Variants in ADAP1 observed in about 807,000 individuals in gnomAD.
The protein encoded by ADAP1 is arf-GAP with dual PH domain-containing protein 1.
A neutral mutation model predicts 54.9 loss-of-function variants in ADAP1; 31 were observed. That is an observed-to-expected ratio of 0.56 (90% confidence interval 0.42 to 0.76). ADAP1 has a LOEUF of 0.76. Among genes scored for constraint, ADAP1 ranks in the 30% least tolerant of loss-of-function variants. ADAP1 has a pLI of 0.00. For missense variants in ADAP1, 535 were observed against 512.4 expected, an observed-to-expected ratio of 1.04 and a Z score of -0.42; for synonymous variants, 313 against 202.6, an observed-to-expected ratio of 1.55 and a Z score of -4.63.
chr7:923,379 G>C (rs965907716), intron 3 of ADAP1: 1 of 151,844 alleles, frequency 6.6e-6, no homozygotes, highest in African/African-American at 2.4e-5. Context: ...CACTCGCCCT[G>C]ATCACCCCTC....
chr7:906,732 GGGGAC>G (rs1845442982), intron 4 of ADAP1, among the ~76,000 whole-genome samples: 2 of 34,528 alleles, frequency 5.8e-5, no homozygotes, highest in African/African-American at 1.1e-4. Context: ...ACGGGACATG[GGGGAC>G]AGAGTACATA....
intron 3 of ADAP1, among the ~76,000 whole-genome samples, chr7:923,835 CG>C (rs1389531705): frequency 6.6e-6 from 1 of 152,186 alleles, no homozygotes; most frequent in Non-Finnish European, 1.5e-5. Context: ...AACTCAGACC[CG>C]GGCTTGTCCA....
intron 4 of ADAP1, among the ~76,000 whole-genome samples, chr7:913,148 T>A (rs1326691228): frequency 6.6e-6 from 1 of 151,728 alleles, no homozygotes; most frequent in African/African-American, 2.4e-5. Flanking sequence ...CCGGCCTTCT[T>A]TTGTATTAAC....
Position 954,509 on chromosome 7 carries a change from G to T in ADAP1, c.-32C>A, listed in dbSNP as rs997467103. On this transcript the variant is annotated 5_prime_UTR_variant, in exon 1 of 11. Coordinates refer to ENST00000265846, the MANE Select transcript of ADAP1 (RefSeq NM_006869.4). ...GATGCGCCCGCGATGCCGATGCCGG[G>T]GCCGGGGCCGGGAGCGTCAGCCCGG... 9.9e-7 allele frequency: 1 copy of T among 1,009,670 alleles called. No individual in the cohort carries two copies. Among genetic ancestry groups the T allele is most frequent in the Non-Finnish European group, 1.2e-6 (1 of 847,956 alleles). The allele number at this position is 1,009,670 out of a possible 1,614,324, so 62.5% of individuals were successfully genotyped here.
At chr7:904,925 C>T (rs1194993139) in intron 5 of ADAP1, 135 bp downstream of exon 5, 1 of 760,682 alleles carries the variant, frequency 1.3e-6, no homozygotes, top group Non-Finnish European at 2.2e-6. Context: ...CAGGCCGGTT[C>T]TCCTGGAGCG....
rs543517779 is a variant in ADAP1, at chr7:938,715, G to A, written c.83-3210C>T. ...GGGACAGCACGAGCCACTTACAGGG[G>A]TAGCAGGCAACATGAGCCCAGCTGG... On this transcript the variant is annotated intron_variant, in intron 1 of 10. Coordinates refer to ENST00000265846, the MANE Select transcript of ADAP1 (RefSeq NM_006869.4). The surrounding 1 kb of genome is among the most constrained non-coding windows in gnomAD (Gnocchi z 4.4). 6.6e-6 allele frequency among the ~76,000 whole-genome samples: 1 copy of A among 152,312 alleles called. No homozygotes were observed. Among genetic ancestry groups the A allele is most frequent in the South Asian group, 2.1e-4 (1 of 4,830 alleles).
At chr7:931,860 C>T (rs1428805296) in intron 2 of ADAP1, among the ~76,000 whole-genome samples, 1 of 152,096 alleles carries the variant, frequency 6.6e-6, no homozygotes. Context: ...GTCCGGTCCT[C>T]AGCAACGGCC....
At chr7:951,234 G>C (rs1164434841) in intron 1 of ADAP1, among the ~76,000 whole-genome samples, 2 of 152,052 alleles carry the variant, frequency 1.3e-5, no homozygotes, top group African/African-American at 4.8e-5. Context: ...TTAGCCGGGC[G>C]TGGTGGCGGG....
intron 5 of ADAP1, 97 bp from the exon 6 acceptor site, chr7:904,369 C>A (rs1448296974): frequency 1.0e-5 from 15 of 1,455,250 alleles, no homozygotes; most frequent in Non-Finnish European, 1.3e-5. Flanking sequence ...GGCGCACCTG[C>A]TGTGCTGTGT....
At chr7:919,414 C>T (rs900236273) in intron 4 of ADAP1, among the ~76,000 whole-genome samples, 3 of 152,008 alleles carry the variant, frequency 2.0e-5, no homozygotes, top group Non-Finnish European at 2.9e-5. Flanking sequence ...ACAGCTGTGG[C>T]GACCCCAAGC....
In ADAP1 at chr7:939,094, CTGT is replaced by C. The variant is rs530300163; in HGVS notation, c.83-3592_83-3590del. Among the ~76,000 whole-genome samples the C allele has an allele frequency of 1.2e-4, 18 of 152,342 alleles. No homozygotes were observed. The East Asian group carries it at 3.3e-3, about 28-fold the overall frequency. ...GGACTCTACGGCGTGGACCAGCTGC[CTGT>C]TGTTGTAAATAAGGTGTTACTGGAA... On this transcript the variant is annotated intron_variant, in intron 1 of 10. Coordinates refer to ENST00000265846, the MANE Select transcript of ADAP1 (RefSeq NM_006869.4).
chr7:906,767 ATGGGGGACAGGGGACAC>A (rs1845458045), intron 4 of ADAP1, among the ~76,000 whole-genome samples: 1 of 6,924 alleles, frequency 1.4e-4, no homozygotes, highest in African/African-American at 5.6e-4. Context: ...GACAGGGGAC[ATGGGGGACAGGGGACAC>A]GGGGGACGGG....
intron 4 of ADAP1, among the ~76,000 whole-genome samples, chr7:910,461 G>A (rs1052817845): frequency 2.6e-5 from 4 of 152,108 alleles, no homozygotes; most frequent in Non-Finnish European, 4.4e-5. Flanking sequence ...GCGTTGCCCA[G>A]GCTGGTCTCG....
chr7:935,156 C>G (rs1308453906), intron 2 of ADAP1: 1 of 702,322 alleles, frequency 1.4e-6, no homozygotes, highest in African/African-American at 1.8e-5. Context: ...CCTGGAGCTG[C>G]TCACAGAGAG....
At chr7:906,113 AGGAGAAAG>A (rs1845286700) in intron 4 of ADAP1, among the ~76,000 whole-genome samples, 2 of 10,444 alleles carry the variant, frequency 1.9e-4, no homozygotes, top group Non-Finnish European at 2.7e-4. Flanking sequence ...AAAGGGAGAA[AGGAGAAAG>A]GGAGAAAGGA....
chr7:901,380 G>A (rs942513537), intron 6 of ADAP1: 1 of 208,182 alleles, frequency 4.8e-6, no homozygotes, highest in Non-Finnish European at 9.9e-6. Context: ...CTGGAAAGGT[G>A]CCCATCTTTA....
chr7:925,514 C>A (rs1203865085), intron 3 of ADAP1, among the ~76,000 whole-genome samples: 1 of 142,794 alleles, frequency 7.0e-6, no homozygotes, highest in African/African-American at 2.5e-5. Context: ...GCCTTCGGAT[C>A]CAGTGAGGAC....
At chr7:907,994 G>A (rs957799225) in intron 4 of ADAP1, among the ~76,000 whole-genome samples, 24 of 152,252 alleles carry the variant, frequency 1.6e-4, no homozygotes, top group African/African-American at 5.5e-4. Flanking sequence ...GGGTCGTGGG[G>A]CCGTCTGCTG....
At chr7:911,321 G>C (rs1845713397) in intron 4 of ADAP1, among the ~76,000 whole-genome samples, 1 of 152,050 alleles carries the variant, frequency 6.6e-6, no homozygotes, top group Non-Finnish European at 1.5e-5. Context: ...TCACACACGG[G>C]TTCACAGTTT....
Sources: gnomAD v4.1 joint callset for allele counts (sites outside exome capture counted in the v4.1 genomes callset) on GRCh38, gnomAD v4.1.1 for gene constraint, Gnocchi (gnomAD v3.1) non-coding constraint, MANE v1.5 for transcripts, NCBI Gene and HGNC (gene_info 2026-07-23, HGNC 2026-07-21) for gene names.